Variants in PKP4 observed in about 807,000 individuals in gnomAD.
PKP4 encodes plakophilin 4.
A neutral mutation model predicts 145.1 loss-of-function variants in PKP4; 90 were observed. The ratio of observed to expected loss-of-function variants is 0.62; its 90% CI spans 0.52 to 0.74. PKP4 has a LOEUF of 0.74. PKP4 is among the 30% of genes least tolerant of loss of function. PKP4 has a pLI of 0.00. For synonymous variants in PKP4, 563 were observed against 577.2 expected (o/e 0.98, Z 0.35); for missense variants, 1,340 against 1,482.7 (o/e 0.90, Z 1.58).
chr2:158,677,579 C>CT (rs1330675095), intron 20 of PKP4, among the ~76,000 whole-genome samples: 12 of 152,200 alleles, frequency 7.9e-5, no homozygotes, highest in Non-Finnish European at 1.5e-4. Flanking sequence ...AAAAAGTACT[C>CT]TTTTCTCAAA....
At chr2:158,665,600 G>T (rs2057007598) in intron 15 of PKP4, among the ~76,000 whole-genome samples, 1 of 152,154 alleles carries the variant, frequency 6.6e-6, no homozygotes, top group African/African-American at 2.4e-5. Flanking sequence ...ATTTGCATTG[G>T]TTGAAAAAGT....
At chr2:158,514,711 C>A (rs921285780) in intron 1 of PKP4, among the ~76,000 whole-genome samples, 1 of 152,070 alleles carries the variant, frequency 6.6e-6, no homozygotes, top group African/African-American at 2.4e-5. Context: ...GAGGTCGAGG[C>A]GGGTGGATCA....
At chr2:158,479,503 C>T (rs1693021335) in intron 1 of PKP4, among the ~76,000 whole-genome samples, 1 of 152,108 alleles carries the variant, frequency 6.6e-6, no homozygotes, top group East Asian at 1.9e-4. Flanking sequence ...GGATTACAGG[C>T]GTGAACCACT....
At chr2:158,636,370 G>A (rs761472907) in intron 9 of PKP4, among the ~76,000 whole-genome samples, 3 of 151,776 alleles carry the variant, frequency 2.0e-5, no homozygotes, top group Non-Finnish European at 2.9e-5. Context: ...TCAGATCTCC[G>A]TTGTTTCTGT....
intron 21 of PKP4, 38 bp from the exon 22 acceptor site, chr2:158,680,391 A>T (rs775329458): frequency 2.0e-6 from 3 of 1,515,290 alleles, no homozygotes; most frequent in Non-Finnish European, 1.8e-6. Context: ...TTTTTAAAAA[A>T]TTGCTTTTAT....
At position 158,503,054 on chromosome 2, in the gene PKP4, G is replaced by T. The variant is rs1441848368; in HGVS notation, c.-5-30126G>T. Among the ~76,000 whole-genome samples, 3 of 152,174 alleles carry T rather than the reference G, an allele frequency of 2.0e-5. No homozygotes were observed. The East Asian group carries it at 5.8e-4, about 29-fold the overall frequency. On this transcript the variant is annotated intron_variant, in intron 1 of 21. Transcript: ENST00000389759. ...CATGTGTTTTGCATAATTCCAGCTAGGAACCTCCCCTTGGAGGAATTCTTC... is the reference window on the plus strand; with the variant it reads ...CATGTGTTTTGCATAATTCCAGCTATGAACCTCCCCTTGGAGGAATTCTTC...
intron 4 of PKP4, among the ~76,000 whole-genome samples, chr2:158,606,245 AG>A (rs2050643849): frequency 6.6e-6 from 1 of 152,126 alleles, no homozygotes; most frequent in Admixed American, 6.5e-5. Context: ...ACGGTTCTAC[AG>A]GAGAATGGTG....
At chr2:158,622,777 ATATT>A (rs1423694929) in intron 6 of PKP4, among the ~76,000 whole-genome samples, 3 of 152,198 alleles carry the variant, frequency 2.0e-5, no homozygotes, top group Non-Finnish European at 4.4e-5. Context: ...CTCAGATTAT[ATATT>A]TATTCTTTTG....
chr2:158,547,740 A>G (rs918702216), intron 2 of PKP4, among the ~76,000 whole-genome samples: 1 of 152,244 alleles, frequency 6.6e-6, no homozygotes, highest in Non-Finnish European at 1.5e-5. Flanking sequence ...CCTGGCTTAA[A>G]CTAGATTATC....
At chr2:158,617,152 A>G (rs1174274630) in intron 4 of PKP4, among the ~76,000 whole-genome samples, 2 of 152,212 alleles carry the variant, frequency 1.3e-5, no homozygotes, top group Non-Finnish European at 2.9e-5. Flanking sequence ...ATAAGACAAG[A>G]AAGTCCATGA....
intron 2 of PKP4, among the ~76,000 whole-genome samples, chr2:158,542,698 G>A (rs1456857167): frequency 1.3e-5 from 2 of 152,120 alleles, no homozygotes; most frequent in East Asian, 1.9e-4. Context: ...GCCATTGTGC[G>A]AAAAAAGACC....
chr2:158,530,242 A>C (rs927214194), intron 1 of PKP4, among the ~76,000 whole-genome samples: 2 of 152,148 alleles, frequency 1.3e-5, no homozygotes, highest in African/African-American at 4.8e-5. Context: ...ATCTCACCCA[A>C]GATCTGTGTC....
intron 2 of PKP4, among the ~76,000 whole-genome samples, chr2:158,552,111 A>C (rs1036910058): frequency 2.0e-5 from 3 of 152,238 alleles, no homozygotes; most frequent in African/African-American, 7.2e-5. Flanking sequence ...TCTATGAGAG[A>C]GGCAGAGAGA....
intron 1 of PKP4, among the ~76,000 whole-genome samples, chr2:158,505,375 C>T (rs76847713): frequency 0.037 from 5,700 of 152,078 alleles, 248 homozygotes; most frequent in African/African-American, 0.11. Flanking sequence ...AAATGTATGC[C>T]TATCAGGAAA....
chr2:158,613,207 C>T (rs972329130), intron 4 of PKP4, among the ~76,000 whole-genome samples: 2 of 152,064 alleles, frequency 1.3e-5, no homozygotes, highest in African/African-American at 4.8e-5. Context: ...CCAGGTGACT[C>T]CAGTGTGCAC....
chr2:158,462,377 G>GAA lies in PKP4; in HGVS notation c.-6+5168_-6+5169dup, dbSNP rs59142992. ...AGTGGTTTTTAAAAATTTTTCTTAA[G>GAA]AAAAAAAAAAGAACAAAAAACTTTT... On this transcript the variant is annotated intron_variant, in intron 1 of 21. Transcript: ENST00000389759. Among the ~76,000 whole-genome samples, 462 of 148,998 alleles carry GAA rather than the reference G, an allele frequency of 3.1e-3. 9 individuals carry two copies. Among genetic ancestry groups the GAA allele is most frequent in the Non-Finnish European group, 1.2e-3 (82 of 67,224 alleles).
chr2:158,461,010 A>G (rs1689680754), intron 1 of PKP4, among the ~76,000 whole-genome samples: 1 of 152,252 alleles, frequency 6.6e-6, no homozygotes, highest in Non-Finnish European at 1.5e-5. Flanking sequence ...TCATTCTTAC[A>G]TCAATGGAAG....
intron 3 of PKP4, among the ~76,000 whole-genome samples, chr2:158,602,137 A>T (rs2050283659): frequency 6.6e-6 from 1 of 152,202 alleles, no homozygotes; most frequent in Non-Finnish European, 1.5e-5. Context: ...ACTTCTAGTC[A>T]TATTGTCTAT....
chr2:158,459,268 T>C (rs1204514257), intron 1 of PKP4, among the ~76,000 whole-genome samples: 1 of 150,098 alleles, frequency 6.7e-6, no homozygotes, highest in Admixed American at 6.6e-5. Context: ...AAAAGCATCA[T>C]ATGTGTGTTT....
Sources: allele counts gnomAD v4.1 joint callset (sites outside exome capture counted in the v4.1 genomes callset), GRCh38; gene constraint gnomAD v4.1.1; transcripts MANE v1.5; gene names NCBI Gene and HGNC (gene_info 2026-07-23, HGNC 2026-07-21).